The following BICRA variants were observed in gnomAD, a reference collection of about 807,000 sequenced individuals.
BICRA encodes BRD4-interacting chromatin-remodeling complex-associated protein.
In BICRA, 31 loss-of-function variants were observed where a neutral mutation model predicts 96.9. The observed-to-expected ratio is 0.32, with a 90% confidence interval of 0.24 to 0.43. BICRA has a LOEUF of 0.43. BICRA is among the 20% of genes least tolerant of loss of function. The pLI, the probability that BICRA is intolerant of heterozygous loss-of-function variation, is 1.00. For synonymous variants in BICRA, 1,350 were observed against 1,071.8 expected (o/e 1.26, Z -5.07); for missense variants, 2,283 against 2,190.3 (o/e 1.04, Z -0.84).
intron 1 of BICRA, among the ~76,000 whole-genome samples, chr19:47,660,549 C>A (rs996632962): frequency 3.9e-5 from 6 of 152,178 alleles, no homozygotes; most frequent in African/African-American, 1.4e-4. Flanking sequence ...GGCGTCATAG[C>A]ATGTTAAGTC....
chr19:47,629,810 A>AC (rs1972194565), intron 1 of BICRA, among the ~76,000 whole-genome samples: 1 of 152,096 alleles, frequency 6.6e-6, no homozygotes, highest in Non-Finnish European at 1.5e-5. Context: ...GGCACCCACC[A>AC]CCATACCCAG....
chr19:47,694,038 C>A, intron 7 of BICRA, 77 bp from the exon 8 acceptor site: 1 of 1,432,816 alleles, frequency 7.0e-7, no homozygotes, highest in South Asian at 1.5e-5. Context: ...GGCTGGGGAC[C>A]CCAGTGTCTT....
At chr19:47,617,510 C>T (rs1015241387) in intron 1 of BICRA, among the ~76,000 whole-genome samples, 2 of 151,868 alleles carry the variant, frequency 1.3e-5, no homozygotes, top group Non-Finnish European at 2.9e-5. Context: ...ATTACAGGTG[C>T]CTGCCACCAC....
intron 1 of BICRA, among the ~76,000 whole-genome samples, chr19:47,611,514 AT>A (rs1467971714): frequency 6.6e-6 from 1 of 152,114 alleles, no homozygotes; most frequent in Non-Finnish European, 1.5e-5. Context: ...ACTTGGCCCC[AT>A]TTGCTGCTAC....
chr19:47,693,162 A>G (rs898955476), intron 7 of BICRA, among the ~76,000 whole-genome samples: 2 of 152,230 alleles, frequency 1.3e-5, no homozygotes, highest in African/African-American at 4.8e-5. Flanking sequence ...GTGCCAGCCC[A>G]GTGTTGGGTG....
At chr19:47,620,924 G>A (rs1287045896) in intron 1 of BICRA, among the ~76,000 whole-genome samples, 3 of 152,072 alleles carry the variant, frequency 2.0e-5, no homozygotes, top group East Asian at 1.9e-4. Flanking sequence ...CAGTCAAGGC[G>A]GCCATGGGTC....
chr19:47,649,072 C>T (rs1169192851), intron 1 of BICRA, among the ~76,000 whole-genome samples: 2 of 152,072 alleles, frequency 1.3e-5, no homozygotes, highest in African/African-American at 4.8e-5. Flanking sequence ...ATGATGGTCT[C>T]AATCTCCTGA....
Position 47,699,509 on chromosome 19 carries a change from A to T in BICRA, c.3595+104A>T, listed in dbSNP as rs1407541977. The T allele has an allele frequency of 1.4e-6, 1 of 691,708 alleles. No homozygotes were observed. The highest frequency in any genetic ancestry group is 1.8e-5 in the African/African-American group (1 of 56,700). The allele number at this position is 691,708 out of a possible 1,614,324, so 42.8% of individuals were successfully genotyped here. On this transcript the variant is annotated intron_variant, in intron 14 of 14. Transcript: ENST00000594866. This position sits in a 1 kb window ranked among gnomAD's most constrained non-coding sequence, Gnocchi z 5.0. ...GGGAGTGGGTGTGTGGCCCTACCTC[A>T]CTCCACCACTAGGCGGTGCCCCAGC...
At chr19:47,622,767 C>T (rs1255681573) in intron 1 of BICRA, among the ~76,000 whole-genome samples, 2 of 138,948 alleles carry the variant, frequency 1.4e-5, no homozygotes, top group East Asian at 2.2e-4. Context: ...GGGCCGGGTG[C>T]GGTGGCTCAT....
chr19:47,691,713 A>G (rs1271716005), intron 7 of BICRA, among the ~76,000 whole-genome samples: 1 of 152,076 alleles, frequency 6.6e-6, no homozygotes, highest in Non-Finnish European at 1.5e-5. Flanking sequence ...ACAGGCACAC[A>G]TCGCACCCTG....
intron 1 of BICRA, among the ~76,000 whole-genome samples, chr19:47,614,398 C>A (rs1314204198): frequency 6.6e-6 from 1 of 152,236 alleles, no homozygotes; most frequent in Non-Finnish European, 1.5e-5. Context: ...GGGCAGATCA[C>A]CTGCGGTCAG....
chr19:47,620,687 A>AC (rs1555784150), intron 1 of BICRA, among the ~76,000 whole-genome samples: 1 of 150,990 alleles, frequency 6.6e-6, no homozygotes, highest in Non-Finnish European at 1.5e-5. Context: ...AAAAAAAAAA[A>AC]AACAAGAACA....
At chr19:47,645,473 A>G (rs917185584) in intron 1 of BICRA, among the ~76,000 whole-genome samples, 4 of 152,204 alleles carry the variant, frequency 2.6e-5, no homozygotes, top group Non-Finnish European at 5.9e-5. Context: ...TGGTGCGTTC[A>G]GCTGGACAAC....
In BICRA at chr19:47,680,570, C is replaced by T. The variant is rs1467061124; in HGVS notation, c.1400C>T (p.Pro467Leu). 6.2e-7 allele frequency: 1 copy of T among 1,600,706 alleles called. No individual in the cohort carries two copies. Residue 467 changes from proline to leucine, a missense_variant, in exon 6 of 15, where the codon CCG (proline) becomes CTG (leucine). Transcript: ENST00000594866. ...SIVIPAQHML[P>L]GQNQFLLPGA... ...GTCATCCCCGCCCAGCACATGCTGCCGGGCCAGAACCAGTTCCTACTGCCT... is the reference window on the plus strand; with the variant it reads ...GTCATCCCCGCCCAGCACATGCTGCTGGGCCAGAACCAGTTCCTACTGCCT...
Position 47,680,160 on chromosome 19 carries a change from C to G in BICRA, c.990C>G (p.Gly330=). ...PSGQPLAVAP[G]LGSSPLVPAP... ...GACAGCCGCTGGCGGTGGCCCCAGG[C>G]CTCGGCTCGTCGCCACTGGTCCCGG... Residue 330 remains glycine, a synonymous_variant, in exon 6 of 15, where the codon GGC becomes GGG. Transcript: ENST00000594866. 5 of 1,532,404 alleles carry G rather than the reference C, an allele frequency of 3.3e-6. No homozygotes were observed. The South Asian group carries it at 6.0e-5, about 19-fold the overall frequency. The allele number at this position is 1,532,404 out of a possible 1,614,324, so 94.9% of individuals were successfully genotyped here.
intron 8 of BICRA, 84 bp downstream of exon 8, chr19:47,694,810 G>A: frequency 8.6e-7 from 1 of 1,167,394 alleles, no homozygotes; most frequent in Admixed American, 2.3e-5. Context: ...CCGCCTTACG[G>A]CTCTGTGATC....
rs1264388301 is a variant in BICRA at position 47,680,414 on chromosome 19, C to G, written c.1244C>G (p.Pro415Arg). ...CAGAACGTGGTGCTGTCGGGCTTCCCCGCGCCTGCGCTGCAAGCGAACGTC... is the reference window on the plus strand; with the variant it reads ...CAGAACGTGGTGCTGTCGGGCTTCCGCGCGCCTGCGCTGCAAGCGAACGTC... ...AGQNVVLSGF[P>R]APALQANVFK... The change falls in exon 6 of 15, where the codon CCC becomes CGC. Residue 415 changes from proline to arginine, a missense_variant. Transcript: ENST00000594866. The G allele has an allele frequency of 2.0e-6, 3 of 1,535,716 alleles. No individual in the cohort carries two copies. The highest frequency in any genetic ancestry group is 1.7e-6 in the Non-Finnish European group (2 of 1,145,718).
intron 1 of BICRA, among the ~76,000 whole-genome samples, chr19:47,637,102 T>C (rs769141387): frequency 6.6e-6 from 1 of 152,068 alleles, no homozygotes; most frequent in African/African-American, 2.4e-5. Context: ...TATTTTACAT[T>C]GATTTTATTT....
chr19:47,637,640 G>T (rs1972319775), intron 1 of BICRA, among the ~76,000 whole-genome samples: 1 of 152,092 alleles, frequency 6.6e-6, no homozygotes, highest in Non-Finnish European at 1.5e-5. Context: ...TGTCTAGTTT[G>T]AGAACATTTT....
Sources: gnomAD v4.1 joint callset for allele counts (sites outside exome capture counted in the v4.1 genomes callset) on GRCh38, gnomAD v4.1.1 for gene constraint, Gnocchi (gnomAD v3.1) non-coding constraint, MANE v1.5 for transcripts, NCBI Gene and HGNC (gene_info 2026-07-23, HGNC 2026-07-21) for gene names.